The following SLC13A3 variants were observed in gnomAD, a reference collection of about 807,000 sequenced individuals.
SLC13A3 encodes Na(+)/dicarboxylate cotransporter 3.
Under a neutral mutation model 59.0 loss-of-function variants are expected in SLC13A3, and 40 were observed. The ratio of observed to expected loss-of-function variants is 0.68; its 90% CI spans 0.53 to 0.88. The LOEUF is 0.88. Among genes scored for constraint, SLC13A3 ranks in the 40% least tolerant of loss-of-function variants. SLC13A3 has a pLI of 0.00. For synonymous variants in SLC13A3, 317 were observed against 330.3 expected, an observed-to-expected ratio of 0.96 and a Z score of 0.44; for missense variants, 699 against 783.2, an observed-to-expected ratio of 0.89 and a Z score of 1.28.
At chr20:46,617,884 T>C (rs191759228) in intron 1 of SLC13A3, among the ~76,000 whole-genome samples, 21 of 152,274 alleles carry the variant, frequency 1.4e-4, no homozygotes, top group African/African-American at 4.1e-4. Context: ...TATCAAATCT[T>C]CCTGCTGACC....
intron 10 of SLC13A3, among the ~76,000 whole-genome samples, chr20:46,575,178 A>G (rs2062063153): frequency 1.3e-5 from 2 of 152,132 alleles, no homozygotes; most frequent in Non-Finnish European, 2.9e-5. Context: ...GGGTCTCACT[A>G]TATTGCCCAG....
At chr20:46,641,297 AC>A (rs550292604) in intron 1 of SLC13A3, among the ~76,000 whole-genome samples, 18 of 152,256 alleles carry the variant, frequency 1.2e-4, no homozygotes, top group South Asian at 2.1e-4. Context: ...TTCACTGAGC[AC>A]CTACTATGTG....
At chr20:46,562,668 C>G (rs2061941334) in intron 12 of SLC13A3, among the ~76,000 whole-genome samples, 1 of 152,172 alleles carries the variant, frequency 6.6e-6, no homozygotes, top group Non-Finnish European at 1.5e-5. Context: ...TGCAGTGCCC[C>G]CAGTGGCTGG....
chr20:46,585,625 G>A, intron 8 of SLC13A3: 1 of 1,266,270 alleles, frequency 7.9e-7, no homozygotes, highest in Non-Finnish European at 1.0e-6. Context: ...ATGTAGAACA[G>A]TTCTCAGATA....
chr20:46,679,001 T>A, intron 1 of SLC13A3, among the ~76,000 whole-genome samples: 1 of 152,144 alleles, frequency 6.6e-6, no homozygotes, highest in East Asian at 1.9e-4. Context: ...CTGCTCCCCC[T>A]TTGCCTTCCA....
intron 1 of SLC13A3, among the ~76,000 whole-genome samples, chr20:46,642,333 C>A (rs1377745779): frequency 6.6e-6 from 1 of 152,220 alleles, no homozygotes; most frequent in East Asian, 1.9e-4. Flanking sequence ...ATTCTACTCA[C>A]CAGCTGGGGA....
chr20:46,584,036 C>G lies in SLC13A3; in HGVS notation c.1122-367G>C, dbSNP rs147299874. ...CTCCTGTAAGAGCCCTGTCTTTGTTCAGCTTGTGCTTGAATCCCTCCTGGG... is the reference window on the plus strand; with the variant it reads ...CTCCTGTAAGAGCCCTGTCTTTGTTGAGCTTGTGCTTGAATCCCTCCTGGG... On this transcript the variant is annotated intron_variant, in intron 8 of 12. Transcript: ENST00000279027. 2.5e-4 allele frequency: 246 copies of G among 985,360 alleles called. 1 individual carries two copies. In the African/African-American group the frequency reaches 3.9e-3, roughly 16 times the overall value. 61.0% of individuals were successfully genotyped at this position (985,360 alleles called of 1,614,324 possible).
At chr20:46,571,741 G>A (rs145878849) in intron 10 of SLC13A3, among the ~76,000 whole-genome samples, 1 of 152,224 alleles carries the variant, frequency 6.6e-6, no homozygotes, top group Admixed American at 6.5e-5. Context: ...AGGGTCATGA[G>A]AGGAAGAGGG....
Position 46,581,872 on chromosome 20 carries a change from T to A in SLC13A3, c.1219+1700A>T, listed in dbSNP as rs536549149. 2.6e-4 allele frequency among the ~76,000 whole-genome samples: 39 copies of A among 152,262 alleles called. No individual in the cohort carries two copies. In the East Asian group the frequency reaches 7.5e-3, roughly 29 times the overall value. On this transcript the variant is annotated intron_variant, in intron 9 of 12. Transcript: ENST00000279027. ...TGATGAGAACAGCCATTTGGAAGAC[T>A]GACTGGAAAAGAAGCAGAGATGGAG...
At chr20:46,587,683 T>C (rs1342511431) in intron 8 of SLC13A3, among the ~76,000 whole-genome samples, 3 of 152,234 alleles carry the variant, frequency 2.0e-5, no homozygotes, top group Non-Finnish European at 4.4e-5. Context: ...AGTTGTTTTG[T>C]TGTCTAACTA....
chr20:46,676,752 G>T (rs1268692566), intron 1 of SLC13A3, among the ~76,000 whole-genome samples: 2 of 151,998 alleles, frequency 1.3e-5, no homozygotes, highest in African/African-American at 2.4e-5. Flanking sequence ...TTGCCTGGCA[G>T]ATCTGAACTG....
In SLC13A3 at chr20:46,613,865, G is replaced by A. The variant is rs542553100; in HGVS notation, c.112-140C>T. 3.5e-4 allele frequency: 253 copies of A among 726,362 alleles called. 1 individual carries two copies. The highest frequency in any genetic ancestry group is 8.6e-4 in the South Asian group (43 of 50,108). 45.0% of individuals were successfully genotyped at this position (726,362 alleles called of 1,614,324 possible). A position where few individuals can be genotyped will look rare whatever the true frequency, so the allele number is the denominator to read the frequency against. On this transcript the variant is annotated intron_variant, in intron 1 of 12. Transcript: ENST00000279027. ...GGAGGCCTGCGGCAGGGCCTGCCCC[G>A]GCTTGTTCTCAGGGCAGCAGTGGAG...
intron 8 of SLC13A3, among the ~76,000 whole-genome samples, chr20:46,587,692 T>C (rs2062207902): frequency 6.6e-6 from 1 of 152,248 alleles, no homozygotes; most frequent in Non-Finnish European, 1.5e-5. Flanking sequence ...GTTGTCTAAC[T>C]ACTTGCTTTT....
At chr20:46,584,413 C>T (rs2062171618) in intron 8 of SLC13A3, 2 of 985,284 alleles carry the variant, frequency 2.0e-6, no homozygotes, top group South Asian at 4.7e-5. Flanking sequence ...TTGAAGTGCT[C>T]CCATTCTGTA....
chr20:46,627,948 C>A (rs1169914552), intron 1 of SLC13A3, among the ~76,000 whole-genome samples: 1 of 151,578 alleles, frequency 6.6e-6, no homozygotes, highest in Non-Finnish European at 1.5e-5. Flanking sequence ...TCACTCCCAG[C>A]CCTGGTCCGT....
intron 1 of SLC13A3, among the ~76,000 whole-genome samples, chr20:46,662,173 G>C (rs941509981): frequency 1.3e-5 from 2 of 152,104 alleles, no homozygotes; most frequent in African/African-American, 4.8e-5. Flanking sequence ...TTTCCTCCTG[G>C]AGGTTAGCTC....
intron 3 of SLC13A3, among the ~76,000 whole-genome samples, chr20:46,604,918 C>T (rs1274630811): frequency 1.3e-5 from 2 of 152,176 alleles, no homozygotes; most frequent in Non-Finnish European, 2.9e-5. Context: ...TCCCCACCAT[C>T]GCTAGCTCGC....
At chr20:46,568,559 C>T (rs2062002493) in intron 10 of SLC13A3, among the ~76,000 whole-genome samples, 1 of 152,060 alleles carries the variant, frequency 6.6e-6, no homozygotes, top group African/African-American at 2.4e-5. Context: ...CCTCATGAAA[C>T]TAAGGTGTTT....
Position 46,634,899 on chromosome 20 carries a change from G to C in SLC13A3, c.111+16412C>G, listed in dbSNP as rs1425808157. 4.6e-5 allele frequency among the ~76,000 whole-genome samples: 7 copies of C among 152,236 alleles called. 1 individual carries two copies. The highest frequency in any genetic ancestry group is 1.7e-4 in the African/African-American group (7 of 41,538). On this transcript the variant is annotated intron_variant, in intron 1 of 12. Transcript: ENST00000279027. ...AGCGGCATGGTGGGGTGCACCAAAA[G>C]CTCCCCTCAGGCCCCCTCTATGTCC... is the stretch of plus-strand genomic sequence containing the variant.
Sources: gnomAD v4.1 joint callset for allele counts (sites outside exome capture counted in the v4.1 genomes callset) on GRCh38, gnomAD v4.1.1 for gene constraint, MANE v1.5 for transcripts, NCBI Gene and HGNC (gene_info 2026-07-23, HGNC 2026-07-21) for gene names.